NCAM2: variants seen among roughly 807,000 people sequenced by gnomAD.
NCAM2 encodes N-CAM-2.
NCAM2 carries 30 observed loss-of-function variants against 98.1 expected under a neutral mutation model. The ratio of observed to expected loss-of-function variants is 0.31; its 90% confidence interval spans 0.23 to 0.41. NCAM2 has a LOEUF of 0.41. Among genes scored for constraint, NCAM2 ranks in the 10% least tolerant of loss-of-function variants. The pLI is 1.00. For missense variants in NCAM2, 867 were observed against 1,005.8 expected, an observed-to-expected ratio of 0.86 and a Z score of 1.87; for synonymous variants, 368 against 342.4, an observed-to-expected ratio of 1.07 and a Z score of -0.83.
chr21:21,047,078 A>G (rs1163700748), intron 1 of NCAM2, among the ~76,000 whole-genome samples: 1 of 160 alleles, frequency 6.3e-3, no homozygotes, highest in South Asian at 0.25. Context: ...GTGTGACATC[A>G]CTTGTGTTGT....
At chr21:21,537,759 T>C (rs1990059609) in intron 17 of NCAM2, 87 bp from the exon 18 acceptor site, 1 of 592,046 alleles carries the variant, frequency 1.7e-6, no homozygotes. Context: ...TTGGAGCATA[T>C]TTTCCTTACA....
At position 21,538,105 on chromosome 21, in the gene NCAM2, T is replaced by G. The variant is rs1990082773; in HGVS notation, c.*148T>G. On this transcript the variant is annotated 3_prime_UTR_variant, in exon 18 of 18. Transcript: ENST00000400546. ...ACATATACATATGATCAAATACTCC[T>G]GCCCATGATCCATTCCCTTTTGTTA... is the stretch of plus-strand genomic sequence containing the variant. The G allele has an allele frequency of 7.4e-6, 3 of 407,400 alleles. No individual in the cohort carries two copies. Among genetic ancestry groups the G allele is most frequent in the Non-Finnish European group, 1.3e-5 (3 of 222,964 alleles). The allele number at this position is 407,400 out of a possible 1,614,324, so 25.2% of individuals were successfully genotyped here.
At chr21:21,357,522 C>G (rs2147974762) in intron 8 of NCAM2, among the ~76,000 whole-genome samples, 1 of 152,070 alleles carries the variant, frequency 6.6e-6, no homozygotes, top group Non-Finnish European at 1.5e-5. Context: ...TTTCAAATAT[C>G]TGCACTTTTA....
chr21:21,378,282 C>T (rs1339198782), intron 9 of NCAM2, among the ~76,000 whole-genome samples: 1 of 151,840 alleles, frequency 6.6e-6, no homozygotes, highest in Admixed American at 6.6e-5. Context: ...TCTATGATGG[C>T]CATGCCAATT....
chr21:21,264,874 A>C (rs893643576), intron 1 of NCAM2, among the ~76,000 whole-genome samples: 1 of 119,744 alleles, frequency 8.4e-6, no homozygotes, highest in African/African-American at 3.1e-5. Context: ...GTGTGTGTTC[A>C]TAGTGGGATA....
chr21:21,070,938 A>T (rs2065549305), intron 1 of NCAM2, among the ~76,000 whole-genome samples: 1 of 152,182 alleles, frequency 6.6e-6, no homozygotes, highest in South Asian at 2.1e-4. Context: ...GGGAGCTTGT[A>T]AAATTGGTAG....
At chr21:21,468,178 A>G (rs577873149) in intron 13 of NCAM2, among the ~76,000 whole-genome samples, 1 of 152,042 alleles carries the variant, frequency 6.6e-6, no homozygotes, top group East Asian at 1.9e-4. Context: ...TCAAATTTGC[A>G]CCCAGGAAAG....
intron 9 of NCAM2, among the ~76,000 whole-genome samples, chr21:21,407,557 A>G (rs531948564): frequency 2.9e-4 from 44 of 152,180 alleles, no homozygotes; most frequent in South Asian, 1.2e-3. Context: ...ACAGAGTGTG[A>G]CTGCAAGTCA....
intron 1 of NCAM2, among the ~76,000 whole-genome samples, chr21:21,232,309 A>G (rs1472601874): frequency 6.6e-6 from 1 of 151,692 alleles, no homozygotes; most frequent in African/African-American, 2.4e-5. Flanking sequence ...TTCATATATA[A>G]ATTACCAATA....
At chr21:21,228,968 A>G (rs560395496) in intron 1 of NCAM2, among the ~76,000 whole-genome samples, 1 of 151,600 alleles carries the variant, frequency 6.6e-6, no homozygotes, top group Admixed American at 6.6e-5. Context: ...TCTAAATTAT[A>G]TCTAGAGTTA....
intron 1 of NCAM2, among the ~76,000 whole-genome samples, chr21:21,235,029 T>C (rs1251301531): frequency 6.6e-6 from 1 of 152,042 alleles, no homozygotes; most frequent in Non-Finnish European, 1.5e-5. Flanking sequence ...CAAAATAGTT[T>C]TGAAGTTATT....
intron 9 of NCAM2, among the ~76,000 whole-genome samples, chr21:21,375,547 C>A (rs969073649): frequency 6.6e-6 from 1 of 151,632 alleles, no homozygotes; most frequent in African/African-American, 2.4e-5. Flanking sequence ...CTTACTTAAC[C>A]TTTTTCCCTT....
At chr21:21,045,719 G>A (rs1421917048) in intron 1 of NCAM2, among the ~76,000 whole-genome samples, 1 of 152,140 alleles carries the variant, frequency 6.6e-6, no homozygotes, top group African/African-American at 2.4e-5. Flanking sequence ...TGATACCCTG[G>A]CATTGAATAT....
At chr21:21,323,234 G>A (rs191860781) in intron 5 of NCAM2, among the ~76,000 whole-genome samples, 222 of 152,212 alleles carry the variant, frequency 1.5e-3, no homozygotes, top group African/African-American at 5.2e-3. Context: ...GTTAATATCT[G>A]AAAAAGTTCT....
At chr21:21,143,154 G>T (rs896074858) in intron 1 of NCAM2, among the ~76,000 whole-genome samples, 1 of 152,198 alleles carries the variant, frequency 6.6e-6, no homozygotes, top group African/African-American at 2.4e-5. Context: ...CTGCAAAGGT[G>T]TGAAGGTTCC....
intron 1 of NCAM2, among the ~76,000 whole-genome samples, chr21:21,228,623 CA>C (rs1434001231): frequency 6.6e-6 from 1 of 151,270 alleles, no homozygotes; most frequent in Non-Finnish European, 1.5e-5. Context: ...AAAAAGGATA[CA>C]GTTCATGTAA....
chr21:21,517,458 G>A (rs1988774161), intron 16 of NCAM2, among the ~76,000 whole-genome samples: 2 of 152,116 alleles, frequency 1.3e-5, no homozygotes, highest in Admixed American at 6.5e-5. Context: ...TAGATAGTAT[G>A]CAAGGAACTA....
At chr21:21,325,837 C>T (rs2074497158) in intron 6 of NCAM2, among the ~76,000 whole-genome samples, 1 of 152,090 alleles carries the variant, frequency 6.6e-6, no homozygotes, top group African/African-American at 2.4e-5. Flanking sequence ...GAACAACAAA[C>T]ATGAGCTTGA....
chr21:21,128,079 G>C (rs1445942818), intron 1 of NCAM2, among the ~76,000 whole-genome samples: 1 of 151,936 alleles, frequency 6.6e-6, no homozygotes, highest in Non-Finnish European at 1.5e-5. Flanking sequence ...CTGTATGTAG[G>C]AAAGGAAATA....
Sources: gnomAD v4.1 joint callset for allele counts (sites outside exome capture counted in the v4.1 genomes callset) on GRCh38, gnomAD v4.1.1 for gene constraint, MANE v1.5 for transcripts, NCBI Gene and HGNC (gene_info 2026-07-23, HGNC 2026-07-21) for gene names.